Variants in PIP4K2A observed in about 807,000 individuals in gnomAD.
PIP4K2A encodes the protein phosphatidylinositol-5-phosphate 4-kinase type 2 alpha.
A neutral mutation model predicts 42.9 loss-of-function variants in PIP4K2A; 14 were observed. The ratio of observed to expected loss-of-function variants is 0.33; its 90% CI spans 0.22 to 0.51. PIP4K2A has a LOEUF of 0.51. Ranked by LOEUF, PIP4K2A falls within the 20% of genes least tolerant of loss-of-function variation. PIP4K2A has a pLI of 0.97. For missense variants in PIP4K2A, 434 were observed against 519.8 expected (o/e 0.83, Z 1.61); for synonymous variants, 192 against 192.2 (o/e 1.00, Z 0.01).
At chr10:22,555,852 G>C (rs1836526279) in intron 6 of PIP4K2A, among the ~76,000 whole-genome samples, 1 of 150,964 alleles carries the variant, frequency 6.6e-6, no homozygotes, top group African/African-American at 2.4e-5. Context: ...GAATTGTCTT[G>C]GGCCACACAT....
chr10:22,663,141 A>T (rs1454171749), intron 1 of PIP4K2A, among the ~76,000 whole-genome samples: 3 of 152,252 alleles, frequency 2.0e-5, no homozygotes, highest in Non-Finnish European at 4.4e-5. Context: ...AGCTGTATTT[A>T]AATTCTTGGC....
At chr10:22,612,009 A>T (rs1045591389) in intron 1 of PIP4K2A, among the ~76,000 whole-genome samples, 1 of 152,230 alleles carries the variant, frequency 6.6e-6, no homozygotes, top group Non-Finnish European at 1.5e-5. Context: ...CTCAGACAGG[A>T]AACAGGAAAC....
At chr10:22,701,910 A>G (rs1014903770) in intron 1 of PIP4K2A, among the ~76,000 whole-genome samples, 5 of 152,186 alleles carry the variant, frequency 3.3e-5, no homozygotes, top group Non-Finnish European at 7.4e-5. Flanking sequence ...GGCCCACCCA[A>G]GGTGTGAAGT....
intron 1 of PIP4K2A, among the ~76,000 whole-genome samples, chr10:22,618,420 T>A (rs1053798383): frequency 2.6e-5 from 4 of 152,008 alleles, no homozygotes; most frequent in Non-Finnish European, 4.4e-5. Context: ...GAGATAAGAG[T>A]TGAGGGTATC....
chr10:22,571,441 T>C (rs1419771249), intron 5 of PIP4K2A, among the ~76,000 whole-genome samples: 1 of 152,240 alleles, frequency 6.6e-6, no homozygotes, highest in African/African-American at 2.4e-5. Flanking sequence ...GTAAAAGACT[T>C]TTCTGATGAC....
chr10:22,687,144 TAAA>T (rs36086367), intron 1 of PIP4K2A, among the ~76,000 whole-genome samples: 7 of 138,990 alleles, frequency 5.0e-5, no homozygotes, highest in Non-Finnish European at 4.7e-5. Flanking sequence ...TAAGTCAGAT[TAAA>T]AAAAAAAAAA....
intron 1 of PIP4K2A, among the ~76,000 whole-genome samples, chr10:22,689,189 C>A (rs1839814481): frequency 6.6e-6 from 1 of 152,042 alleles, no homozygotes; most frequent in Non-Finnish European, 1.5e-5. Context: ...GCCCCTCACC[C>A]CCTCTCTTCT....
chr10:22,592,448 G>A (rs1438210525), intron 3 of PIP4K2A, among the ~76,000 whole-genome samples: 1 of 152,160 alleles, frequency 6.6e-6, no homozygotes, highest in Non-Finnish European at 1.5e-5. Flanking sequence ...GAGGAGGCAG[G>A]AGCCTGGGAG....
At chr10:22,703,331 C>T (rs1179549745) in intron 1 of PIP4K2A, among the ~76,000 whole-genome samples, 4 of 152,100 alleles carry the variant, frequency 2.6e-5, no homozygotes, top group African/African-American at 9.7e-5. Flanking sequence ...ATTGCTTGAG[C>T]CCAGGACTTC....
At chr10:22,660,588 T>C (rs1222802281) in intron 1 of PIP4K2A, among the ~76,000 whole-genome samples, 1 of 152,074 alleles carries the variant, frequency 6.6e-6, no homozygotes, top group Non-Finnish European at 1.5e-5. Context: ...ACTCACAGGA[T>C]CCCGTTAAAC....
At chr10:22,706,396 C>T (rs1207451824) in intron 1 of PIP4K2A, among the ~76,000 whole-genome samples, 1 of 152,182 alleles carries the variant, frequency 6.6e-6, no homozygotes, top group African/African-American at 2.4e-5. Context: ...CCATAACAAG[C>T]CAAGCAAACA....
intron 5 of PIP4K2A, among the ~76,000 whole-genome samples, chr10:22,570,330 A>C (rs569633511): frequency 4.9e-4 from 74 of 152,382 alleles, no homozygotes; most frequent in South Asian, 2.9e-3. Flanking sequence ...AACAAGTCAT[A>C]AAAGAACAAC....
chr10:22,551,576 T>TA (rs1836411067), intron 6 of PIP4K2A, among the ~76,000 whole-genome samples: 1 of 152,230 alleles, frequency 6.6e-6, no homozygotes, highest in South Asian at 2.1e-4. Flanking sequence ...CATATAGTTT[T>TA]AAAACAGTGT....
At chr10:22,713,275 C>T (rs1266862450) in intron 1 of PIP4K2A, among the ~76,000 whole-genome samples, 1 of 152,228 alleles carries the variant, frequency 6.6e-6, no homozygotes, top group Non-Finnish European at 1.5e-5. Flanking sequence ...CAATCCCCGA[C>T]TGTGCGTGAC....
At chr10:22,565,635 C>T (rs1588629416) in intron 6 of PIP4K2A, among the ~76,000 whole-genome samples, 4 of 152,208 alleles carry the variant, frequency 2.6e-5, no homozygotes, top group African/African-American at 9.6e-5. Context: ...TCTGGGCACC[C>T]TGAAAAAAGA....
intron 1 of PIP4K2A, among the ~76,000 whole-genome samples, chr10:22,680,147 A>G (rs865851030): frequency 6.6e-6 from 1 of 152,064 alleles, no homozygotes; most frequent in Admixed American, 6.6e-5. Flanking sequence ...AAAAATGAAG[A>G]CCATGCACTA....
chr10:22,573,260 T>C lies in PIP4K2A; in HGVS notation c.639+51A>G, dbSNP rs373185459. On this transcript the variant is annotated intron_variant, in intron 5 of 9. Coordinates refer to ENST00000376573, the MANE Select transcript of PIP4K2A (RefSeq NM_005028.5). ...ATGATCAATGACAACATTTACAATG[T>C]AGAAGAGTAAGCTTGAGTTACTTTA... is the stretch of plus-strand genomic sequence containing the variant. 5.3e-6 allele frequency: 8 copies of C among 1,521,398 alleles called. No individual in the cohort carries two copies. The African/African-American group carries it at 9.6e-5, about 18-fold the overall frequency. The allele number at this position is 1,521,398 out of a possible 1,614,324, so 94.2% of individuals were successfully genotyped here. A position where few individuals can be genotyped will look rare whatever the true frequency, so the allele number is the denominator to read the frequency against.
chr10:22,652,937 C>T (rs1839023120), intron 1 of PIP4K2A, among the ~76,000 whole-genome samples: 1 of 152,030 alleles, frequency 6.6e-6, no homozygotes, highest in Non-Finnish European at 1.5e-5. Context: ...TCCACAAAAC[C>T]ACAAAAATAA....
rs113961927 is a variant in PIP4K2A at position 22,536,983 on chromosome 10, C to T, written c.*218G>A. 7.2e-5 allele frequency: 30 copies of T among 415,146 alleles called. No individual in the cohort carries two copies. Among genetic ancestry groups the T allele is most frequent in the South Asian group, 9.8e-5 (4 of 40,950 alleles). 25.7% of individuals were successfully genotyped at this position (415,146 alleles called of 1,614,324 possible). ...CCCCCCCCCAACACACACACACACA[C>T]ATATACACAAAGTCAGAAATAGCTA... is the stretch of plus-strand genomic sequence containing the variant. On this transcript the variant is annotated 3_prime_UTR_variant, in exon 10 of 10. Coordinates refer to ENST00000376573, the MANE Select transcript of PIP4K2A (RefSeq NM_005028.5).
Sources: allele counts gnomAD v4.1 joint callset (sites outside exome capture counted in the v4.1 genomes callset), GRCh38; gene constraint gnomAD v4.1.1; transcripts MANE v1.5; gene names NCBI Gene and HGNC (gene_info 2026-07-23, HGNC 2026-07-21).